Variants in ULK4 observed in about 807,000 individuals in gnomAD.
ULK4 encodes inactive serine/threonine-protein kinase ULK4.
A neutral mutation model predicts 160.6 loss-of-function variants in ULK4; 133 were observed. The observed-to-expected ratio is 0.83, with a 90% CI of 0.72 to 0.96. ULK4 has a LOEUF of 0.96. ULK4 is among the 40% of genes least tolerant of loss of function. ULK4 has a pLI of 0.00. For missense variants in ULK4, 1,580 were observed against 1,499.5 expected (o/e 1.05, Z -0.89); for synonymous variants, 534 against 539.8 (o/e 0.99, Z 0.15).
intron 19 of ULK4, among the ~76,000 whole-genome samples, chr3:41,803,188 G>C (rs1230804486): frequency 1.5e-5 from 2 of 131,178 alleles, no homozygotes; most frequent in Admixed American, 7.2e-5. Flanking sequence ...AAAAAGATTT[G>C]TAATAATAAG....
At chr3:41,642,862 C>G (rs2034287822) in intron 30 of ULK4, among the ~76,000 whole-genome samples, 1 of 152,262 alleles carries the variant, frequency 6.6e-6, no homozygotes, top group East Asian at 1.9e-4. Context: ...TTGTTTTCCT[C>G]ACTTTTTAAT....
chr3:41,860,154 G>T (rs2042467709), intron 17 of ULK4, among the ~76,000 whole-genome samples: 1 of 152,066 alleles, frequency 6.6e-6, no homozygotes. Flanking sequence ...TCTAAAATGT[G>T]GTCTAACCTT....
chr3:41,429,134 C>G (rs571091422), intron 34 of ULK4, among the ~76,000 whole-genome samples: 2 of 151,448 alleles, frequency 1.3e-5, no homozygotes, highest in East Asian at 1.9e-4. Flanking sequence ...ATGCAGCCAA[C>G]AAAAATATGA....
chr3:41,465,057 A>G (rs548671304), intron 32 of ULK4, among the ~76,000 whole-genome samples: 1 of 152,212 alleles, frequency 6.6e-6, no homozygotes, highest in Non-Finnish European at 1.5e-5. Context: ...AGGTTCTCAG[A>G]TAAGATTAGA....
intron 30 of ULK4, among the ~76,000 whole-genome samples, chr3:41,647,537 T>A (rs1350913973): frequency 6.6e-6 from 1 of 152,226 alleles, no homozygotes; most frequent in Non-Finnish European, 1.5e-5. Context: ...TGCTGCTGTC[T>A]GATCATTCCT....
At chr3:41,814,701 T>A (rs916289313) in intron 19 of ULK4, among the ~76,000 whole-genome samples, 2 of 152,172 alleles carry the variant, frequency 1.3e-5, no homozygotes, top group Non-Finnish European at 2.9e-5. Context: ...TCCCTTGGTT[T>A]ATTATAATTT....
At chr3:41,317,052 C>G (rs1360326513) in intron 35 of ULK4, among the ~76,000 whole-genome samples, 1 of 141,566 alleles carries the variant, frequency 7.1e-6, no homozygotes, top group Non-Finnish European at 1.5e-5. Context: ...GTAAAATAGG[C>G]AATTACATCT....
intron 32 of ULK4, among the ~76,000 whole-genome samples, chr3:41,518,034 ATCT>A (rs985831280): frequency 6.6e-6 from 1 of 152,226 alleles, no homozygotes; most frequent in Non-Finnish European, 1.5e-5. Flanking sequence ...GGGAAAGGAA[ATCT>A]TCTGCATATG....
intron 12 of ULK4, among the ~76,000 whole-genome samples, chr3:41,906,336 G>A (rs1414180911): frequency 2.6e-5 from 4 of 151,552 alleles, no homozygotes; most frequent in African/African-American, 7.3e-5. Context: ...ACCAGCTTAC[G>A]CAAAATAGTG....
chr3:41,252,846 A>T (rs1429862416), intron 35 of ULK4, among the ~76,000 whole-genome samples: 1 of 152,164 alleles, frequency 6.6e-6, no homozygotes, highest in Non-Finnish European at 1.5e-5. Context: ...AGAAATCCAT[A>T]ACCAAATCCA....
At chr3:41,903,819 CT>C (rs144490607) in intron 12 of ULK4, among the ~76,000 whole-genome samples, 1,901 of 151,806 alleles carry the variant, frequency 0.013, 37 homozygotes, top group African/African-American at 0.041. Flanking sequence ...ATTATATTCC[CT>C]TGTTTCAAAA....
chr3:41,677,172 G>T (rs1045852807), intron 29 of ULK4, among the ~76,000 whole-genome samples: 4 of 152,032 alleles, frequency 2.6e-5, no homozygotes, highest in Admixed American at 1.3e-4. Context: ...GCCTCCCAAA[G>T]TGCTGGGATT....
At chr3:41,659,953 C>A (rs1331289463) in intron 30 of ULK4, among the ~76,000 whole-genome samples, 1 of 151,826 alleles carries the variant, frequency 6.6e-6, no homozygotes, top group Admixed American at 6.6e-5. Context: ...AAAAAAAAAT[C>A]AAAGGGCAGA....
intron 29 of ULK4, among the ~76,000 whole-genome samples, chr3:41,669,804 A>G (rs980138725): frequency 6.6e-6 from 1 of 152,240 alleles, no homozygotes; most frequent in Non-Finnish European, 1.5e-5. Context: ...TGTTATATAA[A>G]TGTAGATATA....
At chr3:41,514,519 T>C (rs544071729) in intron 32 of ULK4, among the ~76,000 whole-genome samples, 3 of 152,290 alleles carry the variant, frequency 2.0e-5, no homozygotes, top group African/African-American at 7.2e-5. Context: ...ACAGCAAAGA[T>C]ATGAAATCGA....
intron 32 of ULK4, among the ~76,000 whole-genome samples, chr3:41,523,344 G>C (rs1340892100): frequency 2.0e-5 from 3 of 152,162 alleles, no homozygotes; most frequent in Non-Finnish European, 2.9e-5. Context: ...GATCAGAAGT[G>C]GGACAACACA....
intron 17 of ULK4, among the ~76,000 whole-genome samples, chr3:41,878,694 AAAG>A (rs1263403848): frequency 5.8e-4 from 88 of 151,596 alleles, no homozygotes; most frequent in African/African-American, 2.1e-3. Context: ...AAAAAAAAAA[AAAG>A]AGTGAGGAGT....
chr3:41,709,209 T>C (rs2037007186), intron 25 of ULK4, among the ~76,000 whole-genome samples: 1 of 152,052 alleles, frequency 6.6e-6, no homozygotes, highest in African/African-American at 2.4e-5. Context: ...TTTAAATAAA[T>C]AAGCATAAAT....
chr3:41,641,612 T>A (rs891725261), intron 30 of ULK4, among the ~76,000 whole-genome samples: 5 of 152,102 alleles, frequency 3.3e-5, no homozygotes, highest in African/African-American at 4.8e-5. Context: ...TAAAAACCAC[T>A]GGCCCTAAAG....
Sources: gnomAD v4.1 joint callset for allele counts (sites outside exome capture counted in the v4.1 genomes callset) on GRCh38, gnomAD v4.1.1 for gene constraint, MANE v1.5 for transcripts, NCBI Gene and HGNC (gene_info 2026-07-23, HGNC 2026-07-21) for gene names.